The following CNTLN variants were observed in gnomAD, a reference collection of about 807,000 sequenced individuals.
CNTLN encodes centlein, centrosomal protein.
In CNTLN, 212 loss-of-function variants were observed where a neutral mutation model predicts 180.0. The observed-to-expected ratio is 1.18, with a 90% confidence interval of 1.05 to 1.32. CNTLN has a LOEUF of 1.32. CNTLN is among the 40% of genes most tolerant of loss of function. CNTLN has a pLI of 0.00. For missense variants in CNTLN, 2,095 were observed against 1,610.9 expected (o/e 1.30, Z -5.14); for synonymous variants, 722 against 563.1 (o/e 1.28, Z -3.99).
At chr9:17,335,106 T>C (rs1820916770) in intron 10 of CNTLN, among the ~76,000 whole-genome samples, 1 of 152,220 alleles carries the variant, frequency 6.6e-6, no homozygotes, top group African/African-American at 2.4e-5. Context: ...TCTTTCTTAC[T>C]CAGCTTTTAT....
At chr9:17,408,128 C>CAAAAAAAAAAAAAAAAAAAAA (rs34374959) in intron 15 of CNTLN, among the ~76,000 whole-genome samples, 1 of 59,070 alleles carries the variant, frequency 1.7e-5, no homozygotes, top group Non-Finnish European at 2.7e-5. Context: ...GACTCTGTCT[C>CAAAAAAAAAAAAAAAAAAAAA]AAAAAAAAAA....
the CNTLN span, among the ~76,000 whole-genome samples, chr9:17,517,392 A>C: frequency 6.9e-6 from 1 of 145,826 alleles, no homozygotes; most frequent in Non-Finnish European, 1.5e-5. Flanking sequence ...ACTCCATCTC[A>C]AACAAAACAA....
chr9:17,478,490 A>G (rs1272633307), intron 23 of CNTLN, among the ~76,000 whole-genome samples: 1 of 151,806 alleles, frequency 6.6e-6, no homozygotes, highest in Non-Finnish European at 1.5e-5. Context: ...GACCAGTGTC[A>G]TAGAGATTTT....
intron 10 of CNTLN, among the ~76,000 whole-genome samples, chr9:17,339,154 CA>C (rs1423860628): frequency 1.3e-5 from 2 of 152,156 alleles, no homozygotes; most frequent in African/African-American, 4.8e-5. Context: ...TTGTTACAAA[CA>C]AGACTCAAAT....
At chr9:17,148,020 A>G (rs1189637777) in intron 2 of CNTLN, among the ~76,000 whole-genome samples, 1 of 152,198 alleles carries the variant, frequency 6.6e-6, no homozygotes, top group African/African-American at 2.4e-5. Flanking sequence ...CTGTCTGTGT[A>G]GATGTGTTGT....
chr9:17,243,401 A>C (rs12235987), intron 5 of CNTLN, among the ~76,000 whole-genome samples: 2 of 151,776 alleles, frequency 1.3e-5, no homozygotes, highest in African/African-American at 4.8e-5. Context: ...TTTAGGATGC[A>C]TTGTTAGGTT....
chr9:17,206,280 C>G (rs114325006), intron 2 of CNTLN, among the ~76,000 whole-genome samples: 1 of 152,124 alleles, frequency 6.6e-6, no homozygotes, highest in Non-Finnish European at 1.5e-5. Flanking sequence ...ACACAGCACC[C>G]TTGTTACTTA....
At chr9:17,352,416 A>ATTTTTT (rs869286111) in intron 12 of CNTLN, among the ~76,000 whole-genome samples, 2 of 31,302 alleles carry the variant, frequency 6.4e-5, no homozygotes, top group African/African-American at 1.2e-4. Context: ...ATATATATAT[A>ATTTTTT]TTTTTTTTTT....
chr9:17,473,089 C>T (rs978689738), intron 23 of CNTLN, among the ~76,000 whole-genome samples: 5 of 152,158 alleles, frequency 3.3e-5, no homozygotes, highest in African/African-American at 1.2e-4. Flanking sequence ...TACTTCCCAC[C>T]TGAACCCAAG....
chr9:17,283,945 T>G lies in CNTLN; in HGVS notation c.983+10079T>G, dbSNP rs182543060. On this transcript the variant is annotated intron_variant, in intron 6 of 25. Transcript: ENST00000380647. The stretch of plus-strand genomic sequence containing the variant: ...CAGCCTTGCATCTTGGGAATGAAGC[T>G]GACTTGATCGTGGTGGATAAGCTTT... 1.8e-3 allele frequency among the ~76,000 whole-genome samples: 272 copies of G among 152,328 alleles called. 2 individuals are homozygous for G. Among genetic ancestry groups the G allele is most frequent in the Non-Finnish European group, 3.0e-3 (206 of 68,038 alleles).
chr9:17,189,741 C>T (rs955098927), intron 2 of CNTLN, among the ~76,000 whole-genome samples: 1 of 152,008 alleles, frequency 6.6e-6, no homozygotes, highest in African/African-American at 2.4e-5. Flanking sequence ...CCTGCTTCAG[C>T]CTCCCAAAGT....
the CNTLN span, among the ~76,000 whole-genome samples, chr9:17,511,381 T>A: frequency 6.6e-6 from 1 of 152,178 alleles, no homozygotes; most frequent in Non-Finnish European, 1.5e-5. Flanking sequence ...AAACAACATT[T>A]ATTTGGGCCA....
At chr9:17,172,941 C>T (rs1354951995) in intron 2 of CNTLN, among the ~76,000 whole-genome samples, 1 of 152,002 alleles carries the variant, frequency 6.6e-6, no homozygotes, top group East Asian at 1.9e-4. Flanking sequence ...TCAGGGAAAC[C>T]TGAGGGAAAA....
At chr9:17,374,028 G>C (rs936674017) in intron 13 of CNTLN, among the ~76,000 whole-genome samples, 1 of 152,096 alleles carries the variant, frequency 6.6e-6, no homozygotes, top group Non-Finnish European at 1.5e-5. Flanking sequence ...GAAAACATTG[G>C]GGAAAGTGTC....
intron 8 of CNTLN, among the ~76,000 whole-genome samples, chr9:17,328,323 AC>A (rs1820437247): frequency 6.6e-6 from 1 of 152,174 alleles, no homozygotes. Context: ...TAACCCATAA[AC>A]TGGGTCCAAC....
chr9:17,250,649 ATTG>A (rs1180869582), intron 5 of CNTLN, among the ~76,000 whole-genome samples: 3 of 152,006 alleles, frequency 2.0e-5, no homozygotes, highest in Admixed American at 1.3e-4. Flanking sequence ...ATTTTATGTT[ATTG>A]TTGTCACAAG....
chr9:17,276,700 T>G (rs764181163), intron 6 of CNTLN, among the ~76,000 whole-genome samples: 1 of 152,056 alleles, frequency 6.6e-6, no homozygotes, highest in Non-Finnish European at 1.5e-5. Flanking sequence ...CTACAGATGC[T>G]CAAGCCCTTG....
intron 6 of CNTLN, among the ~76,000 whole-genome samples, chr9:17,294,309 C>G (rs925007227): frequency 4.6e-5 from 7 of 152,038 alleles, no homozygotes; most frequent in African/African-American, 1.4e-4. Flanking sequence ...CCACATCCTG[C>G]TGATTGGTCC....
intron 3 of CNTLN, among the ~76,000 whole-genome samples, chr9:17,228,572 G>C (rs189609357): frequency 6.6e-6 from 1 of 152,150 alleles, no homozygotes; most frequent in East Asian, 1.9e-4. Context: ...ATGATTAGGT[G>C]ATGATAGAAG....
Sources: gnomAD v4.1 joint callset for allele counts (sites outside exome capture counted in the v4.1 genomes callset) on GRCh38, gnomAD v4.1.1 for gene constraint, MANE v1.5 for transcripts, NCBI Gene and HGNC (gene_info 2026-07-23, HGNC 2026-07-21) for gene names.